Variants in TKTL1 observed in about 807,000 individuals in gnomAD.
The protein encoded by TKTL1 is transketolase like 1.
A neutral mutation model predicts 39.3 loss-of-function variants in TKTL1; 1 was observed. The ratio of observed to expected loss-of-function variants is 0.03; its 90% CI spans 0.01 to 0.12. The LOEUF (loss-of-function observed/expected upper bound fraction) is 0.12, where lower values mean the gene tolerates loss of function less well. TKTL1 is among the 10% of genes least tolerant of loss of function. The pLI, the probability that TKTL1 is intolerant of heterozygous loss-of-function variation, is 1.00. For synonymous variants in TKTL1, 262 were observed against 193.8 expected, an observed-to-expected ratio of 1.35 and a Z score of -2.92; for missense variants, 575 against 509.6, an observed-to-expected ratio of 1.13 and a Z score of -1.24.
Position 154,311,149 on chromosome X carries a change from C to A in TKTL1, c.581C>A (p.Ala194Glu). ...GTGGTGGACGGCCGGGACGTGGAGG[C>A]ACTGTGCCAGGTATTCTGGCAGGCT... ...TYVVDGRDVE[A>E]LCQVFWQASQ... The change falls in exon 5 of 13, where the codon GCA becomes GAA. Residue 194 changes from alanine (A) to glutamate (E), a missense_variant. Physicochemically the swap from Ala to Glu is moderately radical, Grantham distance 107 (BLOSUM62 -1). Coordinates refer to ENST00000369915, the MANE Select transcript of TKTL1 (RefSeq NM_012253.4). 8.3e-7 allele frequency: 1 copy of A among 1,212,061 alleles called. No individual in the cohort carries two copies. The highest frequency in any genetic ancestry group is 1.1e-6 in the Non-Finnish European group (1 of 895,557).
chrX:154,327,175 G>T, intron 10 of TKTL1: 1 of 264,211 alleles, frequency 3.8e-6, no homozygotes, highest in Non-Finnish European at 7.2e-6. Flanking sequence ...TCTGAGATTT[G>T]CTTTCCTCAG....
At chrX:154,314,557 G>C (rs1462881511) in intron 6 of TKTL1, among the ~76,000 whole-genome samples, 1 of 110,405 alleles carries the variant, frequency 9.1e-6, no homozygotes, top group Admixed American at 9.7e-5. Context: ...ATGGAGTCTC[G>C]CTCAGTCACC....
At chrX:154,315,116 C>T in intron 6 of TKTL1, 57 bp from the exon 7 acceptor site, 1 of 1,100,834 alleles carries the variant, frequency 9.1e-7, no homozygotes, top group Non-Finnish European at 1.2e-6. Flanking sequence ...CTTCTGTAGT[C>T]GTTCCTTCTA....
At position 154,309,418 on chromosome X, in the gene TKTL1, C is replaced by T. The variant is rs782339288; in HGVS notation, c.326C>T (p.Thr109Ile). The T allele has an allele frequency of 1.7e-6, 2 of 1,210,029 alleles. No individual in the cohort carries two copies. The highest frequency in any genetic ancestry group is 2.2e-6 in the Non-Finnish European group (2 of 894,320). The change falls in exon 3 of 13, where the codon ACT becomes ATT. Residue 109 changes from threonine (T) to isoleucine (I), a missense_variant. Transcript: ENST00000369915. ...GGAGTTGCATGTGGAATGGCATATA[C>T]TGGCAAGTACTTCGACAGGGCCAGG... ...GLGVACGMAYTGKYFDRASYR... is the reference protein window; with the variant it reads ...GLGVACGMAYIGKYFDRASYR...
At chrX:154,323,041 T>C (rs2067464150) in intron 8 of TKTL1, among the ~76,000 whole-genome samples, 166 bp from the exon 9 acceptor site, 1 of 112,080 alleles carries the variant, frequency 8.9e-6, no homozygotes, top group African/African-American at 3.2e-5. Flanking sequence ...AAGAACACAA[T>C]GTAAATGAGT....
At chrX:154,298,320 C>T (rs1238695581) in intron 1 of TKTL1, among the ~76,000 whole-genome samples, 2 of 111,320 alleles carry the variant, frequency 1.8e-5, no homozygotes, top group Non-Finnish European at 3.8e-5. Context: ...GCTCAAGCGA[C>T]TCTCCTTCCT....
intron 2 of TKTL1, among the ~76,000 whole-genome samples, chrX:154,306,941 A>G (rs1018964358): frequency 2.7e-5 from 3 of 109,661 alleles, no homozygotes; most frequent in Non-Finnish European, 5.7e-5. Flanking sequence ...CCCTCTTTAC[A>G]ATGAAAATTG....
intron 3 of TKTL1, among the ~76,000 whole-genome samples, chrX:154,310,211 C>T (rs2067345479): frequency 9.0e-6 from 1 of 110,904 alleles, no homozygotes; most frequent in Non-Finnish European, 1.9e-5. Context: ...AATCCCAGCA[C>T]TTTGGGAGGC....
chrX:154,299,419 T>C (rs1294105755), intron 1 of TKTL1, among the ~76,000 whole-genome samples: 3 of 110,869 alleles, frequency 2.7e-5, no homozygotes, highest in Non-Finnish European at 5.7e-5. Context: ...CTTCCCAAAG[T>C]GCTGGGATTA....
At chrX:154,297,630 A>C (rs1178757382) in intron 1 of TKTL1, among the ~76,000 whole-genome samples, 1 of 111,492 alleles carries the variant, frequency 9.0e-6, no homozygotes, top group African/African-American at 3.3e-5. Flanking sequence ...TGAGTTTCAA[A>C]GTGTTCCACC....
At chrX:154,297,401 G>A (rs1281674008) in intron 1 of TKTL1, among the ~76,000 whole-genome samples, 2 of 110,522 alleles carry the variant, frequency 1.8e-5, no homozygotes, top group Non-Finnish European at 3.8e-5. Context: ...GACTGCAGGC[G>A]CCCGCCACCA....
At chrX:154,315,883 G>T (rs1228637102) in intron 7 of TKTL1, among the ~76,000 whole-genome samples, 1 of 111,913 alleles carries the variant, frequency 8.9e-6, no homozygotes, top group Non-Finnish European at 1.9e-5. Flanking sequence ...TGATATTAAT[G>T]CAGGGAGTAT....
At chrX:154,320,942 T>A (rs782286478) in intron 8 of TKTL1, 29 bp downstream of exon 8, 27 of 1,193,252 alleles carry the variant, frequency 2.3e-5, no homozygotes, top group Non-Finnish European at 3.1e-5. Flanking sequence ...ATCATCTTGG[T>A]AGCCTTCCTC....
Position 154,327,893 on chromosome X carries a change from C to T in TKTL1, c.1553C>T (p.Thr518Ile), listed in dbSNP as rs199581980. The change falls in exon 12 of 13, where the codon ACC becomes ATC. Residue 518 changes from threonine (T) to isoleucine (I), a missense_variant. Coordinates refer to ENST00000369915, the MANE Select transcript of TKTL1 (RefSeq NM_012253.4). ...ACCATTAAACCTCTGGATGTCGCCA[C>T]CATCGTCTCCAGTGCAAAAGCCACA... Reference protein sequence around the residue: ...LFTIKPLDVATIVSSAKATEG... With the variant: ...LFTIKPLDVAIIVSSAKATEG... 1.7e-5 allele frequency: 20 copies of T among 1,210,076 alleles called. No homozygotes were observed. Among genetic ancestry groups the T allele is most frequent in the Non-Finnish European group, 1.6e-5 (14 of 895,055 alleles).
chrX:154,313,826 C>G (rs1302920866), intron 6 of TKTL1, among the ~76,000 whole-genome samples: 2 of 109,021 alleles, frequency 1.8e-5, no homozygotes, highest in Non-Finnish European at 3.8e-5. Flanking sequence ...TCCAGGTACT[C>G]TGGAGGCTGA....
At chrX:154,311,089 C>T (rs781834453) in intron 4 of TKTL1, 22 bp from the exon 5 acceptor site, 19 of 1,209,606 alleles carry the variant, frequency 1.6e-5, no homozygotes, top group African/African-American at 5.2e-5. Context: ...TCTTGTAACC[C>T]AGCCTGCTCC....
chrX:154,310,998 C>G lies in TKTL1; in HGVS notation c.513C>G (p.Asn171Lys), dbSNP rs2067353008. 8.2e-7 allele frequency: 1 copy of G among 1,212,280 alleles called. No individual in the cohort carries two copies. The highest frequency in any genetic ancestry group is 1.7e-5 in the African/African-American group (1 of 57,939). Reference protein sequence around the residue: ...SGALPAEHCINIYQRRCEAFG... With the variant: ...SGALPAEHCIKIYQRRCEAFG... ...CATTGCCCGCCGAGCACTGCATAAA[C>G]ATCTATCAGAGGCGCTGCGAAGCCT... The change falls in exon 4 of 13, where the codon AAC becomes AAG. Residue 171 changes from asparagine to lysine, a missense_variant. Transcript: ENST00000369915.
At chrX:154,317,165 T>G (rs2067407505) in intron 7 of TKTL1, among the ~76,000 whole-genome samples, 1 of 112,124 alleles carries the variant, frequency 8.9e-6, no homozygotes, top group Non-Finnish European at 1.9e-5. Flanking sequence ...CCTCACTGAT[T>G]GCCTCAGCAC....
chrX:154,320,579 A>G, intron 7 of TKTL1, 178 bp from the exon 8 acceptor site: 1 of 489,851 alleles, frequency 2.0e-6, no homozygotes. Flanking sequence ...GCGCCGTCTG[A>G]GCAGGAGGGA....
Sources: allele counts gnomAD v4.1 joint callset (sites outside exome capture counted in the v4.1 genomes callset), GRCh38; gene constraint gnomAD v4.1.1; transcripts MANE v1.5; gene names NCBI Gene and HGNC (gene_info 2026-07-23, HGNC 2026-07-21).